The following TRADD variants were observed in gnomAD, a reference collection of about 807,000 sequenced individuals.
TRADD encodes the protein tumor necrosis factor receptor type 1-associated DEATH domain protein.
TRADD carries 14 observed loss-of-function variants against 31.5 expected under a neutral mutation model. The observed-to-expected ratio is 0.44, with a 90% CI of 0.29 to 0.69. TRADD has a LOEUF of 0.69. Among genes scored for constraint, TRADD ranks in the 30% least tolerant of loss-of-function variants. The pLI is 0.11. For missense variants in TRADD, 388 were observed against 435.7 expected (o/e 0.89, Z 0.97); for synonymous variants, 220 against 215.8 (o/e 1.02, Z -0.17).
chr16:67,154,495 G>C lies in TRADD; in HGVS notation c.*154C>G. On this transcript the variant is annotated 3_prime_UTR_variant, in exon 5 of 5. Transcript: ENST00000345057. The surrounding 1 kb of genome is among the most constrained non-coding windows in gnomAD (Gnocchi z 5.2). ...CCAATGATGCACCCCCAGTGGTCTGGCTCCTGGGGAAGGCAATCAACTCTG... is the reference window on the plus strand; with the variant it reads ...CCAATGATGCACCCCCAGTGGTCTGCCTCCTGGGGAAGGCAATCAACTCTG... 1 of 901,916 alleles carries C rather than the reference G, an allele frequency of 1.1e-6. No homozygotes were observed. Among genetic ancestry groups the C allele is most frequent in the Non-Finnish European group, 1.7e-6 (1 of 585,906 alleles). 55.9% of individuals were successfully genotyped at this position (901,916 alleles called of 1,614,324 possible).
At position 67,155,136 on chromosome 16, in the gene TRADD, C is replaced by T. The variant is rs1163989635; in HGVS notation, c.588G>A (p.Pro196=). Residue 196 remains proline (P), a synonymous_variant, in exon 4 of 5, where the codon CCG becomes CCA. Coordinates refer to ENST00000345057, the MANE Select transcript of TRADD (RefSeq NM_003789.4). ...SLSEVKPPPP[P]PPAQTFLFQG... ...GGAACAGAAAAGTCTGGGCAGGTGG[C>T]GGCGGCGGCGGCGGCTTCACCTCCG... 12 of 1,540,180 alleles carry T rather than the reference C, an allele frequency of 7.8e-6. No homozygotes were observed. The highest frequency in any genetic ancestry group is 1.4e-5 in the African/African-American group (1 of 72,886).
intron 2 of TRADD, 43 bp from the exon 3 acceptor site, chr16:67,155,697 G>T (rs1477424678): frequency 6.5e-7 from 1 of 1,529,780 alleles, no homozygotes. Flanking sequence ...CCCCAAGCTC[G>T]GCCGTTCTCC....
rs751201133 is a variant in TRADD at position 67,155,579 on chromosome 16, C to A, written c.227G>T (p.Arg76Leu). ...RSDPQLIVQL[R>L]FCGRQPCGRF... ...GCCACAGGGCTGCCGCCCGCAGAAT[C>A]GCAGCTGCACGATCAGCTGCGGGTC... is the stretch of plus-strand genomic sequence containing the variant. The change falls in exon 3 of 5, where the codon CGA becomes CTA. Residue 76 changes from arginine to leucine, a missense_variant. Physicochemically the swap from Arg to Leu is moderately radical, Grantham distance 102. Coordinates refer to ENST00000345057, the MANE Select transcript of TRADD (RefSeq NM_003789.4). 6 of 1,538,776 alleles carry A rather than the reference C, an allele frequency of 3.9e-6. No individual in the cohort carries two copies. The South Asian group carries it at 7.1e-5, about 18-fold the overall frequency.
Position 67,156,493 on chromosome 16 carries a change from C to T in TRADD, c.151+17G>A. The T allele has an allele frequency of 6.2e-7, 1 of 1,609,698 alleles. No homozygotes were observed. The highest frequency in any genetic ancestry group is 2.2e-5 in the East Asian group (1 of 44,874). On this transcript the variant is annotated intron_variant, in intron 2 of 4. Coordinates refer to ENST00000345057, the MANE Select transcript of TRADD (RefSeq NM_003789.4). This position sits in a 1 kb window ranked among gnomAD's most constrained non-coding sequence, Gnocchi z 4.6. ...CAGGCCACCCCTTCCTCTCCACATGCCCGCCCATCCACGCACCTGCCAAGG... is the reference window on the plus strand; with the variant it reads ...CAGGCCACCCCTTCCTCTCCACATGTCCGCCCATCCACGCACCTGCCAAGG...
chr16:67,157,184 T>C (rs1338621873), intron 1 of TRADD, among the ~76,000 whole-genome samples: 1 of 152,162 alleles, frequency 6.6e-6, no homozygotes, highest in African/African-American at 2.4e-5. Flanking sequence ...GCACCTGTAG[T>C]TTGCATCTAC....
In TRADD at chr16:67,155,229, G is replaced by A. The variant is rs1439472888; in HGVS notation, c.495C>T (p.Gly165=). ...CCCCGTCGCCACCCCGGGCCCCCGA[G>A]CCGCACTTCAGATTTCGCAGCGCAT... is the stretch of plus-strand genomic sequence containing the variant. ...LEDALRNLKC[G]SGARGGDGEV... is the part of the protein sequence containing the mutation. The change falls in exon 4 of 5, where the codon GGC becomes GGT. Residue 165 remains glycine (G), a synonymous_variant. Transcript: ENST00000345057. 6.2e-7 allele frequency: 1 copy of A among 1,603,802 alleles called. No homozygotes were observed.
At position 67,154,825 on chromosome 16, in the gene TRADD, C is replaced by T; in HGVS notation, c.763G>A (p.Glu255Lys). 1 of 1,591,484 alleles carries T rather than the reference C, an allele frequency of 6.3e-7. No individual in the cohort carries two copies. The highest frequency in any genetic ancestry group is 1.1e-5 in the South Asian group (1 of 88,342). ...RDPALDSLAY[E>K]YEREGLYEQA... ...TCGTACAGTCCCTCGCGCTCGTACT[C>T]GTAGGCCAGCGAGTCCAGCGCCGGG... is the stretch of plus-strand genomic sequence containing the variant. The change falls in exon 5 of 5, where the codon GAG becomes AAG. Residue 255 changes from glutamate to lysine, a missense_variant. Glu to Lys is a moderately conservative substitution (Grantham distance 56). Transcript: ENST00000345057. This position sits in a 1 kb window ranked among gnomAD's most constrained non-coding sequence, Gnocchi z 5.2.
chr16:67,155,156 C>T lies in TRADD; in HGVS notation c.568G>A (p.Val190Met). ...GGTGGCGGCGGCGGCGGCGGCTTCACCTCCGACAGAGAGGGCACCGGGGGC... is the reference window on the plus strand; with the variant it reads ...GGTGGCGGCGGCGGCGGCGGCTTCATCTCCGACAGAGAGGGCACCGGGGGC... The part of the protein sequence containing the change: ...LQPPVPSLSE[V>M]KPPPPPPPAQ... The change falls in exon 4 of 5, where the codon GTG becomes ATG. Residue 190 changes from valine (V) to methionine (M), a missense_variant. By Grantham distance (21) the Val-to-Met change is conservative. Transcript: ENST00000345057. The T allele has an allele frequency of 1.3e-6, 2 of 1,553,498 alleles. No individual in the cohort carries two copies. The highest frequency in any genetic ancestry group is 3.8e-5 in the Admixed American group (2 of 52,564).
At position 67,156,770 on chromosome 16, in the gene TRADD, C is replaced by T. The variant is rs2030716377; in HGVS notation, c.-8-102G>A. On this transcript the variant is annotated intron_variant, in intron 1 of 4. Transcript: ENST00000345057. This position sits in a 1 kb window ranked among gnomAD's most constrained non-coding sequence, Gnocchi z 4.6. ...GTTCAGCTGTCCCCACCACAGTAGC[C>T]TCAAGTCCCACATGGTTCAGTTGTC... The T allele has an allele frequency of 2.0e-6, 3 of 1,479,568 alleles. No homozygotes were observed. The African/African-American group carries it at 4.1e-5, about 20-fold the overall frequency. The allele number at this position is 1,479,568 out of a possible 1,614,324, so 91.7% of individuals were successfully genotyped here.
chr16:67,156,214 G>A lies in TRADD; in HGVS notation c.151+296C>T, dbSNP rs745673506. On this transcript the variant is annotated intron_variant, in intron 2 of 4. Transcript: ENST00000345057. The surrounding 1 kb of genome is among the most constrained non-coding windows in gnomAD (Gnocchi z 4.6). ...AGCAAGGAGTGCTGCAGTAAGAGAGGAAAAGAGGAGAGAGACATCCACAAT... is the reference window on the plus strand; with the variant it reads ...AGCAAGGAGTGCTGCAGTAAGAGAGAAAAAGAGGAGAGAGACATCCACAAT... The A allele has an allele frequency of 6.2e-5, 89 of 1,443,438 alleles. No homozygotes were observed. The highest frequency in any genetic ancestry group is 4.5e-4 in the Admixed American group (21 of 47,160). The allele number at this position is 1,443,438 out of a possible 1,614,324, so 89.4% of individuals were successfully genotyped here.
At position 67,156,689 on chromosome 16, in the gene TRADD, G is replaced by T. The variant is rs1017106497; in HGVS notation, c.-8-21C>A. 14 of 1,612,804 alleles carry T rather than the reference G, an allele frequency of 8.7e-6. No homozygotes were observed. In the East Asian group the frequency reaches 1.1e-4, roughly 13 times the overall value. On this transcript the variant is annotated intron_variant, in intron 1 of 4. Transcript: ENST00000345057. The surrounding 1 kb of genome is among the most constrained non-coding windows in gnomAD (Gnocchi z 4.6). The stretch of plus-strand genomic sequence containing the variant: ...ACCTCCTGGAGATGCAGACAGTCAG[G>T]TATCCAGTTCATCCCCCCTCCCTCC...
intron 4 of TRADD, 24 bp downstream of exon 4, chr16:67,155,072 C>CCCG: frequency 6.5e-7 from 1 of 1,544,726 alleles, no homozygotes; most frequent in Non-Finnish European, 8.7e-7. Flanking sequence ...TCCTGGTGAC[C>CCCG]CCGCCTCTCC....
At position 67,154,238 on chromosome 16, in the gene TRADD, G is replaced by T; in HGVS notation, c.*411C>A. 3.5e-6 allele frequency: 1 copy of T among 286,782 alleles called. No individual in the cohort carries two copies. Among genetic ancestry groups the T allele is most frequent in the Non-Finnish European group, 6.7e-6 (1 of 148,526 alleles). 17.8% of individuals were successfully genotyped at this position (286,782 alleles called of 1,614,324 possible). ...TTATTATCATTGCTTAACATTCGGG[G>T]TCCCACGCTGAGTGTGAGCTGGGGG... On this transcript the variant is annotated 3_prime_UTR_variant, in exon 5 of 5. Coordinates refer to ENST00000345057, the MANE Select transcript of TRADD (RefSeq NM_003789.4). This position sits in a 1 kb window ranked among gnomAD's most constrained non-coding sequence, Gnocchi z 5.2.
Position 67,156,575 on chromosome 16 carries a change from G to A in TRADD, c.86C>T (p.Ser29Leu), listed in dbSNP as rs1339513427. 6.8e-6 allele frequency: 11 copies of A among 1,614,020 alleles called. No homozygotes were observed. The highest frequency in any genetic ancestry group is 1.7e-5 in the Admixed American group (1 of 60,028). The change falls in exon 2 of 5, where the codon TCG becomes TTG. Residue 29 changes from serine to leucine, a missense_variant. Ser to Leu is a moderately radical substitution (Grantham distance 145, BLOSUM62 -2). Coordinates refer to ENST00000345057, the MANE Select transcript of TRADD (RefSeq NM_003789.4). The surrounding 1 kb of genome is among the most constrained non-coding windows in gnomAD (Gnocchi z 4.6). ...CTGCTGGGGGTGCGCGTAGGCATCC[G>A]ACAGGACCACCTTGTCCAGCGAGGA... ...VESSLDKVVL[S>L]DAYAHPQQKV...
Position 67,154,518 on chromosome 16 carries a change from C to A in TRADD, c.*131G>T. 8.6e-7 allele frequency: 1 copy of A among 1,166,246 alleles called. No individual in the cohort carries two copies. Among genetic ancestry groups the A allele is most frequent in the Non-Finnish European group, 1.2e-6 (1 of 818,520 alleles). 72.2% of individuals were successfully genotyped at this position (1,166,246 alleles called of 1,614,324 possible). ...TGGCTCCTGGGGAAGGCAATCAACT[C>A]TGCCCCAGCAGGTCCAGCAGATAGG... On this transcript the variant is annotated 3_prime_UTR_variant, in exon 5 of 5. Coordinates refer to ENST00000345057, the MANE Select transcript of TRADD (RefSeq NM_003789.4). The surrounding 1 kb of genome is among the most constrained non-coding windows in gnomAD (Gnocchi z 5.2).
Position 67,155,608 on chromosome 16 carries a change from G to T in TRADD, c.198C>A (p.Arg66=). ...PDVLQMLKIH[R]SDPQLIVQLR... ...GCTGCACGATCAGCTGCGGGTCGCT[G>T]CGGTGGATCTTCAGCATCTGCAGCA... Residue 66 remains arginine (R), a synonymous_variant, in exon 3 of 5, where the codon CGC becomes CGA. Transcript: ENST00000345057. 3.2e-6 allele frequency: 5 copies of T among 1,556,334 alleles called. No homozygotes were observed. Among genetic ancestry groups the T allele is most frequent in the Non-Finnish European group, 4.3e-6 (5 of 1,157,988 alleles).
chr16:67,155,748 C>T, intron 2 of TRADD, 94 bp from the exon 3 acceptor site: 3 of 1,476,436 alleles, frequency 2.0e-6, no homozygotes, highest in Non-Finnish European at 1.8e-6. Context: ...TGAAGCCCCG[C>T]GTCCCATCCC....
In TRADD at chr16:67,156,298, G is replaced by C; in HGVS notation, c.151+212C>G. On this transcript the variant is annotated intron_variant, in intron 2 of 4. Transcript: ENST00000345057. This position sits in a 1 kb window ranked among gnomAD's most constrained non-coding sequence, Gnocchi z 4.6. ...GGCGGGGATGGAGCAAAGGACGTTA[G>C]TGCACAAATTGGTAAATCATACACA... 8.8e-7 allele frequency: 1 copy of C among 1,136,370 alleles called. No individual in the cohort carries two copies. Among genetic ancestry groups the C allele is most frequent in the Non-Finnish European group, 1.2e-6 (1 of 804,558 alleles). 70.4% of individuals were successfully genotyped at this position (1,136,370 alleles called of 1,614,324 possible).
chr16:67,155,398 C>CAA lies in TRADD; in HGVS notation c.406_407dup (p.Leu136PhefsTer2). 1 of 1,599,202 alleles carries CAA rather than the reference C, an allele frequency of 6.3e-7. No homozygotes were observed. The highest frequency in any genetic ancestry group is 8.5e-7 in the Non-Finnish European group (1 of 1,179,700). On this transcript the variant is annotated frameshift_variant, in exon 3 of 5. Transcript: ENST00000345057. LOFTEE classifies it high-confidence loss of function. The stretch of plus-strand genomic sequence containing the variant: ...GCACCTGCTGGGCTAGGATGCAACT[C>CAA]AAACAGCGCTCCTCGTCCGCCAGCA...
Sources: gnomAD v4.1 joint callset for allele counts (sites outside exome capture counted in the v4.1 genomes callset) on GRCh38, gnomAD v4.1.1 for gene constraint, Gnocchi (gnomAD v3.1) non-coding constraint, MANE v1.5 for transcripts, NCBI Gene and HGNC (gene_info 2026-07-23, HGNC 2026-07-21) for gene names.